The following TRPC4 variants were observed in gnomAD, a reference collection of about 807,000 sequenced individuals.
TRPC4 encodes the protein transient receptor potential cation channel subfamily C member 4.
TRPC4 carries 49 observed loss-of-function variants against 99.4 expected under a neutral mutation model. That is an observed-to-expected ratio of 0.49 (90% CI 0.39 to 0.63). The LOEUF is 0.63. TRPC4 is among the 20% of genes least tolerant of loss of function. The pLI is 0.00. For synonymous variants in TRPC4, 454 were observed against 425.9 expected, an observed-to-expected ratio of 1.07 and a Z score of -0.81; for missense variants, 898 against 1,152.9, an observed-to-expected ratio of 0.78 and a Z score of 3.20.
intron 3 of TRPC4, among the ~76,000 whole-genome samples, chr13:37,728,111 T>C (rs991936824): frequency 1.3e-5 from 2 of 151,914 alleles, no homozygotes; most frequent in Non-Finnish European, 2.9e-5. Flanking sequence ...GACTAAAAGC[T>C]TTTTCTCTAA....
At chr13:37,736,863 C>T (rs12430621) in intron 3 of TRPC4, among the ~76,000 whole-genome samples, 4 of 150,434 alleles carry the variant, frequency 2.7e-5, no homozygotes, top group Admixed American at 1.3e-4. Flanking sequence ...CAAGTAGCTG[C>T]GAGTACAGAC....
chr13:37,766,616 G>A (rs180782416), intron 2 of TRPC4, among the ~76,000 whole-genome samples: 1 of 151,564 alleles, frequency 6.6e-6, no homozygotes, highest in African/African-American at 2.4e-5. Context: ...CAAAGTCAGA[G>A]ATACATGTGT....
chr13:37,858,651 T>C lies in TRPC4; in HGVS notation c.-28+10944A>G, dbSNP rs531456234. 9.2e-5 allele frequency among the ~76,000 whole-genome samples: 14 copies of C among 151,680 alleles called. 1 individual carries two copies. Among genetic ancestry groups the C allele is most frequent in the African/African-American group, 3.4e-4 (14 of 41,498 alleles). ...AACATGGATGGAACTGGAGGTATTA[T>C]GTTAAGTGAACACACAGAGAGACAG... On this transcript the variant is annotated intron_variant, in intron 1 of 10. Coordinates refer to ENST00000379705, the MANE Select transcript of TRPC4 (RefSeq NM_016179.4).
chr13:37,750,719 T>C (rs1256885829), intron 2 of TRPC4, among the ~76,000 whole-genome samples: 1 of 152,056 alleles, frequency 6.6e-6, no homozygotes, highest in African/African-American at 2.4e-5. Flanking sequence ...TACATAGGTA[T>C]ACACGTGCCA....
chr13:37,703,339 A>G (rs1954162384), intron 3 of TRPC4, among the ~76,000 whole-genome samples: 2 of 152,170 alleles, frequency 1.3e-5, no homozygotes, highest in African/African-American at 4.8e-5. Flanking sequence ...GATAAGTGGT[A>G]CAACGTCTAC....
intron 1 of TRPC4, among the ~76,000 whole-genome samples, chr13:37,801,214 A>G (rs1957391192): frequency 6.6e-6 from 1 of 152,192 alleles, no homozygotes; most frequent in Admixed American, 6.6e-5. Flanking sequence ...CTAAATAAGG[A>G]AGATAATTTC....
intron 3 of TRPC4, among the ~76,000 whole-genome samples, chr13:37,744,190 C>G (rs575137828): frequency 3.3e-5 from 5 of 152,268 alleles, no homozygotes; most frequent in African/African-American, 1.2e-4. Context: ...GAAAGCAAAG[C>G]ATACTACTGT....
chr13:37,746,555 G>C, intron 2 of TRPC4, 100 bp from the exon 3 acceptor site: 1 of 1,265,048 alleles, frequency 7.9e-7, no homozygotes, highest in Non-Finnish European at 1.0e-6. Flanking sequence ...GGGTTTATAT[G>C]TCCTTGGCCG....
chr13:37,720,819 C>T (rs116911341), intron 3 of TRPC4, among the ~76,000 whole-genome samples: 2,186 of 152,210 alleles, frequency 0.014, 23 homozygotes, highest in Non-Finnish European at 0.025. Context: ...TAGGGATACA[C>T]TTATTTAATA....
At chr13:37,648,201 A>G (rs1278874914) in intron 8 of TRPC4, among the ~76,000 whole-genome samples, 1 of 152,154 alleles carries the variant, frequency 6.6e-6, no homozygotes, top group Non-Finnish European at 1.5e-5. Context: ...TAGGCCTCCC[A>G]AAGTGCTGGG....
intron 4 of TRPC4, among the ~76,000 whole-genome samples, chr13:37,685,792 C>T (rs893160200): frequency 3.4e-4 from 51 of 152,010 alleles, no homozygotes; most frequent in African/African-American, 1.2e-3. Flanking sequence ...CATTTCCCTC[C>T]AATAAAGAAA....
intron 1 of TRPC4, among the ~76,000 whole-genome samples, chr13:37,829,994 G>A (rs138458044): frequency 3.9e-5 from 6 of 152,296 alleles, no homozygotes; most frequent in African/African-American, 1.4e-4. Flanking sequence ...GGGGCTGAGT[G>A]CAGTGGGTAA....
At chr13:37,699,675 G>A (rs80235025) in intron 3 of TRPC4, among the ~76,000 whole-genome samples, 3,355 of 152,270 alleles carry the variant, frequency 0.022, 140 homozygotes, top group African/African-American at 0.077. Flanking sequence ...AATCACCTAA[G>A]TGTTTTCTTA....
At chr13:37,818,721 T>C (rs1182970583) in intron 1 of TRPC4, among the ~76,000 whole-genome samples, 6 of 152,108 alleles carry the variant, frequency 3.9e-5, no homozygotes, top group Non-Finnish European at 8.8e-5. Flanking sequence ...AAACATTGTT[T>C]GTTCTCACTC....
Position 37,639,405 on chromosome 13 carries a change from G to T in TRPC4, c.2080-106C>A, listed in dbSNP as rs188742219. The stretch of plus-strand genomic sequence containing the variant: ...ATGTTTTTATTCTTATTTCTTCAAA[G>T]TGGGAGTTTTACTAGTCAATGGACA... On this transcript the variant is annotated intron_variant, in intron 8 of 10. Coordinates refer to ENST00000379705, the MANE Select transcript of TRPC4 (RefSeq NM_016179.4). 285 of 1,266,042 alleles carry T rather than the reference G, an allele frequency of 2.3e-4. 2 individuals are homozygous for T. The East Asian group carries it at 6.3e-3, about 28-fold the overall frequency. The allele number at this position is 1,266,042 out of a possible 1,614,324, so 78.4% of individuals were successfully genotyped here. A position where few individuals can be genotyped will look rare whatever the true frequency, so the allele number is the denominator to read the frequency against.
intron 1 of TRPC4, among the ~76,000 whole-genome samples, chr13:37,811,744 C>A (rs2139478697): frequency 6.6e-6 from 1 of 152,212 alleles, no homozygotes; most frequent in Non-Finnish European, 1.5e-5. Flanking sequence ...TTCCCACTTT[C>A]CAAAACGGAA....
chr13:37,797,791 G>C (rs758460264), intron 1 of TRPC4, among the ~76,000 whole-genome samples: 19 of 152,092 alleles, frequency 1.2e-4, no homozygotes, highest in Non-Finnish European at 7.4e-5. Context: ...TAAAAGACTA[G>C]ACTTTTTGGG....
chr13:37,678,262 C>A, intron 4 of TRPC4, among the ~76,000 whole-genome samples: 1 of 151,658 alleles, frequency 6.6e-6, no homozygotes, highest in East Asian at 1.9e-4. Flanking sequence ...AAGAAAATAA[C>A]AAAGGTAACA....
intron 3 of TRPC4, among the ~76,000 whole-genome samples, chr13:37,730,782 T>C (rs552961878): frequency 6.6e-6 from 1 of 152,244 alleles, no homozygotes; most frequent in East Asian, 1.9e-4. Context: ...ATTTTTACTT[T>C]GATTTTCCCA....
Sources: gnomAD v4.1 joint callset for allele counts (sites outside exome capture counted in the v4.1 genomes callset) on GRCh38, gnomAD v4.1.1 for gene constraint, MANE v1.5 for transcripts, NCBI Gene and HGNC (gene_info 2026-07-23, HGNC 2026-07-21) for gene names.